Variants in MYO1H observed in about 807,000 individuals in gnomAD.
MYO1H encodes the protein unconventional myosin-Ih.
A neutral mutation model predicts 149.3 loss-of-function variants in MYO1H; 118 were observed. That is an observed-to-expected ratio of 0.79 (90% CI 0.68 to 0.92). The LOEUF is 0.92. MYO1H is among the 40% of genes least tolerant of loss of function. The pLI is 0.00. For synonymous variants in MYO1H, 447 were observed against 465.2 expected (o/e 0.96, Z 0.50); for missense variants, 1,212 against 1,280.7 (o/e 0.95, Z 0.82).
chr12:109,349,288 G>A (rs1449417910), intron 1 of MYO1H, among the ~76,000 whole-genome samples: 1 of 152,112 alleles, frequency 6.6e-6, no homozygotes, highest in East Asian at 1.9e-4. Flanking sequence ...GAAAAATGGA[G>A]GAAGCTCTTC....
intron 1 of MYO1H, among the ~76,000 whole-genome samples, chr12:109,362,403 G>A (rs997806231): frequency 6.6e-6 from 1 of 152,138 alleles, no homozygotes; most frequent in Admixed American, 6.5e-5. Flanking sequence ...TTGTTTTGTA[G>A]GGGAGAAAAG....
intron 5 of MYO1H, among the ~76,000 whole-genome samples, chr12:109,398,916 T>C (rs1269302803): frequency 6.6e-6 from 1 of 152,058 alleles, no homozygotes; most frequent in African/African-American, 2.4e-5. Flanking sequence ...TCTTGTAGCA[T>C]GAAAGCAGCC....
At chr12:109,394,855 A>G (rs1238610497) in intron 3 of MYO1H, among the ~76,000 whole-genome samples, 4 of 152,108 alleles carry the variant, frequency 2.6e-5, no homozygotes, top group African/African-American at 9.7e-5. Flanking sequence ...TCCACCTCCC[A>G]GAGCTCAGGT....
chr12:109,416,254 C>G (rs1337606853), intron 15 of MYO1H, among the ~76,000 whole-genome samples: 4 of 152,088 alleles, frequency 2.6e-5, no homozygotes, highest in Non-Finnish European at 4.4e-5. Flanking sequence ...TTTATCACCC[C>G]CAAAAGAAAT....
chr12:109,430,619 T>C (rs1043467382), intron 19 of MYO1H, among the ~76,000 whole-genome samples: 2 of 152,150 alleles, frequency 1.3e-5, no homozygotes, highest in African/African-American at 4.8e-5. Context: ...AACATGCTCA[T>C]AAATTCCAGG....
chr12:109,428,209 A>AG (rs1871460242), intron 19 of MYO1H, among the ~76,000 whole-genome samples: 1 of 151,834 alleles, frequency 6.6e-6, no homozygotes, highest in African/African-American at 2.4e-5. Context: ...ATCTGCCACC[A>AG]GGGGGCAGCC....
chr12:109,409,252 T>TCTTCTTCTTC (rs1870555160), intron 10 of MYO1H, among the ~76,000 whole-genome samples: 2 of 58,936 alleles, frequency 3.4e-5, no homozygotes, highest in Non-Finnish European at 7.1e-5. Context: ...TCTTCTTTTT[T>TCTTCTTCTTC]TTTTTTTTTT....
chr12:109,370,764 G>A (rs1210239107), intron 1 of MYO1H, among the ~76,000 whole-genome samples: 1 of 152,102 alleles, frequency 6.6e-6, no homozygotes, highest in Non-Finnish European at 1.5e-5. Context: ...TCTATACATG[G>A]CACTGAATTT....
intron 31 of MYO1H, chr12:109,445,950 A>C (rs1295699617): frequency 1.0e-6 from 1 of 985,304 alleles, no homozygotes; most frequent in Non-Finnish European, 1.2e-6. Flanking sequence ...ACTTCCCCCC[A>C]CGTGGAAATC....
intron 3 of MYO1H, among the ~76,000 whole-genome samples, chr12:109,394,719 T>C (rs1869817130): frequency 6.6e-6 from 1 of 152,160 alleles, no homozygotes; most frequent in South Asian, 2.1e-4. Flanking sequence ...TCTTGGTGAC[T>C]CAGCTATTCC....
chr12:109,434,999 G>A (rs770294358), intron 20 of MYO1H, 38 bp from the exon 21 acceptor site: 1 of 1,413,188 alleles, frequency 7.1e-7, no homozygotes, highest in South Asian at 1.3e-5. Context: ...ATGGTAAACT[G>A]ACCAATTAAT....
the MYO1H span, among the ~76,000 whole-genome samples, chr12:109,319,731 A>C: frequency 6.6e-6 from 1 of 152,076 alleles, no homozygotes; most frequent in African/African-American, 2.4e-5. Context: ...GTTTGGGGGC[A>C]CTTTCTGGGT....
Position 109,445,511 on chromosome 12 carries a change from AG to A in MYO1H, c.2994-1del. On this transcript the variant is annotated splice_acceptor_variant, in intron 30 of 31. Transcript: ENST00000310903. LOFTEE classifies it high-confidence loss of function. The stretch of plus-strand genomic sequence containing the variant: ...GTAATGTGTCACTTTGTGTATTTTA[AG>A]TTTACAGTTTTTTATTAGTCCGGGA... The A allele has an allele frequency of 1.2e-6, 2 of 1,604,748 alleles. No individual in the cohort carries two copies. Among genetic ancestry groups the A allele is most frequent in the Non-Finnish European group, 1.7e-6 (2 of 1,173,366 alleles).
At chr12:109,312,244 G>A in the MYO1H span, among the ~76,000 whole-genome samples, 10 of 151,990 alleles carry the variant, frequency 6.6e-5, no homozygotes, top group East Asian at 1.2e-3. Flanking sequence ...ATGGAGTCTC[G>A]CTCTGTCATC....
rs1043361790 is a variant in MYO1H, at chr12:109,436,442, G to A, written c.2141-46G>A. Reference sequence around the variant, plus strand: ...CCCTGGAGATCACAACCACAAAGATGCGCAAATGCAAAGCCATTTCACCAA... The same window carrying A: ...CCCTGGAGATCACAACCACAAAGATACGCAAATGCAAAGCCATTTCACCAA... On this transcript the variant is annotated intron_variant, in intron 21 of 31. Coordinates refer to ENST00000310903, the Ensembl canonical transcript of MYO1H. 24 of 1,426,632 alleles carry A rather than the reference G, an allele frequency of 1.7e-5. No homozygotes were observed. In the Admixed American group the frequency reaches 3.1e-4, roughly 19 times the overall value. The allele number at this position is 1,426,632 out of a possible 1,614,324, so 88.4% of individuals were successfully genotyped here.
At chr12:109,349,136 A>G (rs1868401717) in intron 1 of MYO1H, among the ~76,000 whole-genome samples, 1 of 152,188 alleles carries the variant, frequency 6.6e-6, no homozygotes, top group South Asian at 2.1e-4. Context: ...AGAGAGGAGT[A>G]TTTGCTGTAG....
At chr12:109,443,212 A>G (rs1872291135) in intron 27 of MYO1H, among the ~76,000 whole-genome samples, 1 of 126,178 alleles carries the variant, frequency 7.9e-6, no homozygotes, top group Admixed American at 7.7e-5. Flanking sequence ...GTATATGTGT[A>G]CGTATATGTG....
At chr12:109,363,355 C>A (rs1051932247) in intron 1 of MYO1H, among the ~76,000 whole-genome samples, 4 of 152,220 alleles carry the variant, frequency 2.6e-5, no homozygotes, top group African/African-American at 9.6e-5. Context: ...AAATGCAGAT[C>A]TAGGCTCCTG....
chr12:109,332,417 C>T, the MYO1H span, among the ~76,000 whole-genome samples: 8 of 152,152 alleles, frequency 5.3e-5, no homozygotes, highest in African/African-American at 1.7e-4. Context: ...CAGACACAAG[C>T]TCTTCTGGCC....
Sources: gnomAD v4.1 joint callset for allele counts (sites outside exome capture counted in the v4.1 genomes callset) on GRCh38, gnomAD v4.1.1 for gene constraint, MANE v1.5 for transcripts, NCBI Gene and HGNC (gene_info 2026-07-23, HGNC 2026-07-21) for gene names.